TJP3: variants seen among roughly 807,000 people sequenced by gnomAD.
The protein encoded by TJP3 is tight junction protein 3, also known as tight junction protein ZO-3.
A neutral mutation model predicts 104.2 loss-of-function variants in TJP3; 85 were observed. That is an observed-to-expected ratio of 0.82 (90% CI 0.68 to 0.98). TJP3 has a LOEUF of 0.98. TJP3 is among the 50% of genes least tolerant of loss of function. The pLI is 0.00. For missense variants in TJP3, 1,367 were observed against 1,322.8 expected (o/e 1.03, Z -0.52); for synonymous variants, 550 against 550.6 (o/e 1.00, Z 0.02).
intron 10 of TJP3, 78 bp from the exon 11 acceptor site, chr19:3,736,087 G>A: frequency 1.9e-6 from 3 of 1,570,628 alleles, no homozygotes; most frequent in South Asian, 2.4e-5. Context: ...AGGGGGTGGG[G>A]GCTTTCCCAA....
chr19:3,732,311 T>C (rs1332251720), intron 6 of TJP3, among the ~76,000 whole-genome samples: 1 of 152,086 alleles, frequency 6.6e-6, no homozygotes, highest in Non-Finnish European at 1.5e-5. Context: ...CAGAGACTCA[T>C]GTGGGCAGCT....
intron 11 of TJP3, among the ~76,000 whole-genome samples, chr19:3,736,895 T>C (rs1336987199): frequency 1.8e-4 from 27 of 150,182 alleles, no homozygotes; most frequent in Non-Finnish European, 3.4e-4. Context: ...TTTTTTTTTT[T>C]TTGAGATAGA....
At chr19:3,727,197 T>C (rs1375127121) in intron 1 of TJP3, among the ~76,000 whole-genome samples, 1 of 151,682 alleles carries the variant, frequency 6.6e-6, no homozygotes, top group African/African-American at 2.4e-5. Flanking sequence ...AGATAGTACA[T>C]GTAAGGCTGG....
At chr19:3,709,945 C>T (rs1489193877) in intron 1 of TJP3, among the ~76,000 whole-genome samples, 3 of 151,968 alleles carry the variant, frequency 2.0e-5, no homozygotes, top group Non-Finnish European at 2.9e-5. Flanking sequence ...GTCAGGAGTT[C>T]GAGACCAGCC....
In TJP3 at chr19:3,746,372, G is replaced by A. The variant is rs908764701; in HGVS notation, c.2011-113G>A. ...CCCATCCCCAACTTGCTAGCCTGTG[G>A]ATGTGAGAGGCTGGGGTCCACTCTG... On this transcript the variant is annotated intron_variant, in intron 16 of 20. Coordinates refer to ENST00000541714, the MANE Select transcript of TJP3 (RefSeq NM_001267560.2). This position sits in a 1 kb window ranked among gnomAD's most constrained non-coding sequence, Gnocchi z 4.1. 15 of 1,196,604 alleles carry A rather than the reference G, an allele frequency of 1.3e-5. No individual in the cohort carries two copies. The South Asian group carries it at 2.2e-4, about 17-fold the overall frequency. The allele number at this position is 1,196,604 out of a possible 1,614,324, so 74.1% of individuals were successfully genotyped here.
chr19:3,738,504 C>T (rs770944315), intron 11 of TJP3, 51 bp from the exon 12 acceptor site: 46 of 1,515,582 alleles, frequency 3.0e-5, no homozygotes, highest in South Asian at 3.5e-5. Flanking sequence ...ATCTCATGCA[C>T]GCCCAAGAGG....
chr19:3,717,435 AT>A (rs564684318), intron 1 of TJP3, among the ~76,000 whole-genome samples: 12 of 140,632 alleles, frequency 8.5e-5, no homozygotes, highest in Non-Finnish European at 1.2e-4. Flanking sequence ...ATATAATTTT[AT>A]TTTTTTTTGA....
At chr19:3,737,679 T>A (rs1260915011) in intron 11 of TJP3, among the ~76,000 whole-genome samples, 3 of 152,194 alleles carry the variant, frequency 2.0e-5, no homozygotes, top group African/African-American at 7.2e-5. Context: ...TGAGTTGTGA[T>A]TCATGATGGA....
At chr19:3,710,965 G>T (rs967517089) in intron 1 of TJP3, among the ~76,000 whole-genome samples, 2 of 150,058 alleles carry the variant, frequency 1.3e-5, no homozygotes, top group Admixed American at 1.3e-4. Context: ...GTGCGGTGGC[G>T]CGATCTCGGC....
At chr19:3,725,242 A>G (rs899958644) in intron 1 of TJP3, among the ~76,000 whole-genome samples, 1 of 152,128 alleles carries the variant, frequency 6.6e-6, no homozygotes. Flanking sequence ...AGCCTGGGCA[A>G]CAGAGTGAAA....
At chr19:3,715,505 T>A (rs1221312327) in intron 1 of TJP3, among the ~76,000 whole-genome samples, 1 of 152,116 alleles carries the variant, frequency 6.6e-6, no homozygotes, top group Non-Finnish European at 1.5e-5. Context: ...TGGAGGATGG[T>A]ACTAGGGAGC....
At position 3,735,577 on chromosome 19, in the gene TJP3, G is replaced by A. The variant is rs199910833; in HGVS notation, c.998G>A (p.Arg333Gln). 2.6e-5 allele frequency: 42 copies of A among 1,614,018 alleles called. No individual in the cohort carries two copies. The highest frequency in any genetic ancestry group is 3.3e-5 in the Non-Finnish European group (39 of 1,180,024). ...CTGTTCCCCACCAGGGAGAGTCCCC[G>A]GCTTCGGCGGGAAAGTTCAGTAGAT... ...SQTDSPVESP[R>Q]LRRESSVDSR... Residue 333 changes from arginine (R) to glutamine (Q), a missense_variant, in exon 9 of 21, where the codon CGG (arginine) becomes CAG (glutamine). By Grantham distance (43) the Arg-to-Gln change is conservative (BLOSUM62 1). Coordinates refer to ENST00000541714, the MANE Select transcript of TJP3 (RefSeq NM_001267560.2).
Position 3,740,685 on chromosome 19 carries a change from C to T in TJP3, c.1765C>T (p.Gln589Ter), listed in dbSNP as rs1055929519. The T allele has an allele frequency of 5.6e-6, 9 of 1,607,452 alleles. No homozygotes were observed. Among genetic ancestry groups the T allele is most frequent in the African/African-American group, 1.3e-5 (1 of 74,698 alleles). The change falls in exon 14 of 21, where the codon CAG becomes TAG. Residue 589 changes from glutamine (Q) to a stop codon, truncating the protein, a stop_gained. Coordinates refer to ENST00000541714, the MANE Select transcript of TJP3 (RefSeq NM_001267560.2). LOFTEE classifies it high-confidence loss of function. The stretch of plus-strand genomic sequence containing the variant: ...TCGTCGAGGAGCCAAGAAGACCACT[C>T]AGCGGAGCCGTGAGGACCTCTCAGC... ...GLRRGAKKTT[Q>*]RSREDLSALT...
rs771512594 is a variant in TJP3 at position 3,730,532 on chromosome 19, C to T, written c.439C>T (p.Arg147Cys). The T allele has an allele frequency of 2.8e-5, 45 of 1,597,320 alleles. 1 individual carries two copies. Among genetic ancestry groups the T allele is most frequent in the South Asian group, 4.4e-5 (4 of 90,124 alleles). The change falls in exon 5 of 21, where the codon CGC becomes TGC. Residue 147 changes from arginine (R) to cysteine (C), a missense_variant. Physicochemically the swap from Arg to Cys is radical, Grantham distance 180. Coordinates refer to ENST00000541714, the MANE Select transcript of TJP3 (RefSeq NM_001267560.2). This position sits in a 1 kb window ranked among gnomAD's most constrained non-coding sequence, Gnocchi z 7.3. ...GSGRSWDERS[R>C]RPRPGRRGRA... ...CGGCCGCTCCTGGGACGAGCGCTCC[C>T]GCCGGCCGAGGCCTGGTCGCCGGGG...
intron 20 of TJP3, 114 bp downstream of exon 20, chr19:3,750,298 G>T: frequency 7.0e-7 from 1 of 1,434,500 alleles, no homozygotes; most frequent in South Asian, 1.2e-5. Flanking sequence ...GCCTAGTGGG[G>T]AAGACAGAGC....
rs1359359153 is a variant in TJP3, at chr19:3,736,262, G to T, written c.1225G>T (p.Val409Leu). The change falls in exon 11 of 21, where the codon GTG (valine) becomes TTG (leucine). Residue 409 changes from valine to leucine, a missense_variant. Val to Leu is a conservative substitution (Grantham distance 32). Coordinates refer to ENST00000541714, the MANE Select transcript of TJP3 (RefSeq NM_001267560.2). ...TGACGTGGGCATCTTCGTGTCCGGGGTGCAGGCGGGCAGCCCGGCCGACGG... is the reference window on the plus strand; with the variant it reads ...TGACGTGGGCATCTTCGTGTCCGGGTTGCAGGCGGGCAGCCCGGCCGACGG... ...GNDVGIFVSGVQAGSPADGQG... is the reference protein window; with the variant it reads ...GNDVGIFVSGLQAGSPADGQG... The T allele has an allele frequency of 2.6e-6, 4 of 1,553,050 alleles. No individual in the cohort carries two copies. The highest frequency in any genetic ancestry group is 1.4e-5 in the African/African-American group (1 of 72,860).
intron 1 of TJP3, among the ~76,000 whole-genome samples, chr19:3,718,043 A>C (rs190152477): frequency 6.6e-6 from 1 of 151,650 alleles, no homozygotes; most frequent in Non-Finnish European, 1.5e-5. Context: ...GTGAAACCCC[A>C]TCTCTACTAA....
chr19:3,719,728 G>A (rs1202951791), intron 1 of TJP3, among the ~76,000 whole-genome samples: 3 of 104,804 alleles, frequency 2.9e-5, no homozygotes, highest in African/African-American at 4.0e-5. Flanking sequence ...GCGAGACTCC[G>A]TCTCAAAAAA....
chr19:3,726,144 G>A (rs1446979692), intron 1 of TJP3, among the ~76,000 whole-genome samples: 1 of 152,212 alleles, frequency 6.6e-6, no homozygotes, highest in Non-Finnish European at 1.5e-5. Context: ...CGGGGAGGAG[G>A]AGGAGTCACT....
Sources: allele counts gnomAD v4.1 joint callset (sites outside exome capture counted in the v4.1 genomes callset), GRCh38; gene constraint gnomAD v4.1.1; non-coding constraint Gnocchi (gnomAD v3.1); transcripts MANE v1.5; gene names NCBI Gene and HGNC (gene_info 2026-07-23, HGNC 2026-07-21).